ZNF831: variants seen among roughly 807,000 people sequenced by gnomAD.
ZNF831 encodes zinc finger protein 831.
In ZNF831, 59 loss-of-function variants were observed where a neutral mutation model predicts 95.8. The observed-to-expected ratio is 0.62, with a 90% confidence interval of 0.50 to 0.77. ZNF831 has a LOEUF of 0.77. ZNF831 is among the 30% of genes least tolerant of loss of function. The pLI, the probability that ZNF831 is intolerant of heterozygous loss-of-function variation, is 0.00. For missense variants in ZNF831, 2,205 were observed against 2,164.0 expected, an observed-to-expected ratio of 1.02 and a Z score of -0.38; for synonymous variants, 961 against 925.5, an observed-to-expected ratio of 1.04 and a Z score of -0.70.
At chr20:59,135,740 T>A (rs560943818) in intron 1 of ZNF831, among the ~76,000 whole-genome samples, 2,996 of 151,852 alleles carry the variant, frequency 0.02, 80 homozygotes, top group African/African-American at 0.056. Context: ...CAAAAAAAAA[T>A]AATAATAATA....
rs1183602856 is a variant in ZNF831 at position 59,255,764 on chromosome 20, A to C, written c.*1021A>C. On this transcript the variant is annotated 3_prime_UTR_variant, in exon 6 of 6. Transcript: ENST00000371030. ...AATTGGAGTTTTGACGCTGTTTTAC[A>C]TCTCGGTAATTTTATTTTCGGGGCT... The C allele has an allele frequency of 1.3e-5, 2 of 152,074 alleles. No homozygotes were observed. The highest frequency in any genetic ancestry group is 2.9e-5 in the Non-Finnish European group (2 of 67,998). The allele number at this position is 152,074 out of a possible 1,614,324, so 9.4% of individuals were successfully genotyped here.
At chr20:59,234,605 G>C (rs1986900601) in intron 4 of ZNF831, among the ~76,000 whole-genome samples, 1 of 152,244 alleles carries the variant, frequency 6.6e-6, no homozygotes, top group African/African-American at 2.4e-5. Context: ...AAGGGAGACA[G>C]TGTAGACTTC....
intron 4 of ZNF831, among the ~76,000 whole-genome samples, chr20:59,210,072 G>A (rs1985185930): frequency 6.6e-6 from 1 of 152,136 alleles, no homozygotes. Flanking sequence ...TCCTATCTGT[G>A]AACCAACAGA....
At chr20:59,211,150 G>T (rs1363173595) in intron 4 of ZNF831, among the ~76,000 whole-genome samples, 3 of 151,622 alleles carry the variant, frequency 2.0e-5, no homozygotes, top group Non-Finnish European at 4.4e-5. Context: ...TCAGATTCCT[G>T]CTGGGAACAC....
chr20:59,231,898 G>A (rs1385240750), intron 4 of ZNF831, among the ~76,000 whole-genome samples: 2 of 152,108 alleles, frequency 1.3e-5, no homozygotes, highest in East Asian at 1.9e-4. Context: ...GGTGAGCTAC[G>A]GTAATAACAG....
chr20:59,219,167 T>C (rs1395487128), intron 4 of ZNF831, among the ~76,000 whole-genome samples: 1 of 152,072 alleles, frequency 6.6e-6, no homozygotes, highest in Non-Finnish European at 1.5e-5. Context: ...AGGTATGCAT[T>C]TGTGAGCCAC....
chr20:59,223,621 G>A (rs1025373748), intron 4 of ZNF831, among the ~76,000 whole-genome samples: 1 of 152,030 alleles, frequency 6.6e-6, no homozygotes, highest in African/African-American at 2.4e-5. Context: ...TCTGTGCCTC[G>A]GTTTCCCCAT....
At chr20:59,229,991 A>G (rs1388947432) in intron 4 of ZNF831, among the ~76,000 whole-genome samples, 1 of 152,164 alleles carries the variant, frequency 6.6e-6, no homozygotes, top group Non-Finnish European at 1.5e-5. Flanking sequence ...TACTGGTGAG[A>G]AAGAAAGGGG....
chr20:59,194,306 C>T lies in ZNF831; in HGVS notation c.3287C>T (p.Pro1096Leu), dbSNP rs764611384. The change falls in exon 2 of 6, where the codon CCC (proline) becomes CTC (leucine). Residue 1096 changes from proline to leucine, a missense_variant. Coordinates refer to ENST00000371030, the MANE Select transcript of ZNF831 (RefSeq NM_178457.3). ...AGGCTCTCTGGGGATGTCCTGAATC[C>T]CTGGGTACCCAACTGGGAGCTGGGG... Reference protein sequence around the residue: ...RARLSGDVLNPWVPNWELGEP... With the variant: ...RARLSGDVLNLWVPNWELGEP... 3 of 1,613,914 alleles carry T rather than the reference C, an allele frequency of 1.9e-6. No homozygotes were observed. The highest frequency in any genetic ancestry group is 2.5e-6 in the Non-Finnish European group (3 of 1,179,996).
At position 59,193,832 on chromosome 20, in the gene ZNF831, C is replaced by T. The variant is rs531807718; in HGVS notation, c.2813C>T (p.Ser938Phe). ...TCTGCCCTGGCAGATAATGCCTTTTCCCCCAAGTACCTCCTCAGGTTACCT... is the reference window on the plus strand; with the variant it reads ...TCTGCCCTGGCAGATAATGCCTTTTTCCCCAAGTACCTCCTCAGGTTACCT... ...VLSALADNAF[S>F]PKYLLRLPQA... Residue 938 changes from serine (S) to phenylalanine (F), a missense_variant, in exon 2 of 6, where the codon TCC becomes TTC. Ser to Phe is a radical substitution (Grantham distance 155). Transcript: ENST00000371030. 12 of 1,613,124 alleles carry T rather than the reference C, an allele frequency of 7.4e-6. No individual in the cohort carries two copies. The East Asian group carries it at 8.9e-5, about 12-fold the overall frequency.
intron 1 of ZNF831, among the ~76,000 whole-genome samples, chr20:59,177,716 C>T (rs559282013): frequency 6.6e-6 from 1 of 152,330 alleles, no homozygotes; most frequent in South Asian, 2.1e-4. Context: ...CTTGGCTCAG[C>T]TCCACATGGT....
At chr20:59,202,931 G>A (rs890690472) in intron 3 of ZNF831, among the ~76,000 whole-genome samples, 8 of 152,110 alleles carry the variant, frequency 5.3e-5, no homozygotes, top group Admixed American at 2.6e-4. Context: ...TACATTTTAC[G>A]CTGCATTTTT....
At chr20:59,247,082 G>C (rs560816604) in intron 4 of ZNF831, among the ~76,000 whole-genome samples, 1 of 152,280 alleles carries the variant, frequency 6.6e-6, no homozygotes, top group African/African-American at 2.4e-5. Flanking sequence ...TGAATTTACT[G>C]TCAAAGAAAC....
At chr20:59,229,065 T>C (rs910896496) in intron 4 of ZNF831, among the ~76,000 whole-genome samples, 1 of 152,256 alleles carries the variant, frequency 6.6e-6, no homozygotes, top group South Asian at 2.1e-4. Context: ...ATGTTTTTCT[T>C]TCTGTGCCTG....
chr20:59,199,344 T>C (rs1274511505), intron 3 of ZNF831, among the ~76,000 whole-genome samples: 2 of 151,994 alleles, frequency 1.3e-5, no homozygotes, highest in African/African-American at 4.8e-5. Flanking sequence ...AAAAGAAAAA[T>C]TTAAAAGATT....
intron 1 of ZNF831, among the ~76,000 whole-genome samples, chr20:59,181,963 C>T (rs1224030304): frequency 6.6e-6 from 1 of 152,092 alleles, no homozygotes; most frequent in Non-Finnish European, 1.5e-5. Flanking sequence ...TTGTAGTTCT[C>T]CTTGAAGAGG....
intron 1 of ZNF831, among the ~76,000 whole-genome samples, chr20:59,125,077 CTCTTT>C (rs925317628): frequency 6.6e-6 from 1 of 152,178 alleles, no homozygotes; most frequent in African/African-American, 2.4e-5. Context: ...AGAGAGATGT[CTCTTT>C]TCTTTGGCTG....
Position 59,157,692 on chromosome 20 carries a change from A to G in ZNF831, c.-1280-1960A>G, listed in dbSNP as rs182765711. ...CTTGGAGAAGAGTTGGCAGAGGCTA[A>G]TATACAAATCTGTGTTTAAATCTGT... On this transcript the variant is annotated intron_variant, in intron 2 of 7. Coordinates refer to the ZNF831 transcript ENST00000637017. Among the ~76,000 whole-genome samples the G allele has an allele frequency of 2.6e-5, 4 of 152,352 alleles. No homozygotes were observed. In the East Asian group the frequency reaches 7.7e-4, roughly 29 times the overall value.
rs549116949 is a variant in ZNF831, at chr20:59,206,894, C to T, written c.3876-11C>T. On this transcript the variant is annotated splice_polypyrimidine_tract_variant and intron_variant, in intron 3 of 5. Transcript: ENST00000371030. The stretch of plus-strand genomic sequence containing the variant: ...GGCTGGTTACTGCAAGCATGCTTCT[C>T]TCTTCTACAGGTACAAAGGGAATTT... 3.7e-6 allele frequency: 6 copies of T among 1,611,930 alleles called. No individual in the cohort carries two copies. The South Asian group carries it at 4.4e-5, about 12-fold the overall frequency.
Sources: gnomAD v4.1 joint callset for allele counts (sites outside exome capture counted in the v4.1 genomes callset) on GRCh38, gnomAD v4.1.1 for gene constraint, MANE v1.5 for transcripts, NCBI Gene and HGNC (gene_info 2026-07-23, HGNC 2026-07-21) for gene names.